Variants in LRFN3 observed in about 807,000 individuals in gnomAD.
The protein encoded by LRFN3 is leucine-rich repeat and fibronectin type-III domain-containing protein 3.
Under a neutral mutation model 23.8 loss-of-function variants are expected in LRFN3, and 8 were observed. The ratio of observed to expected loss-of-function variants is 0.34; its 90% CI spans 0.20 to 0.61. LRFN3 has a LOEUF of 0.61. Ranked by LOEUF, LRFN3 falls within the 20% of genes least tolerant of loss-of-function variation. LRFN3 has a pLI of 0.80. For synonymous variants in LRFN3, 451 were observed against 450.6 expected (o/e 1.00, Z -0.01); for missense variants, 736 against 935.3 (o/e 0.79, Z 2.78).
intron 2 of LRFN3, among the ~76,000 whole-genome samples, chr19:35,941,120 G>A (rs1209767351): frequency 6.6e-6 from 1 of 152,138 alleles, no homozygotes; most frequent in Non-Finnish European, 1.5e-5. Flanking sequence ...AGGCTACAGG[G>A]CTAAAAAAGA....
chr19:35,942,473 C>T (rs1976133354), intron 2 of LRFN3, among the ~76,000 whole-genome samples: 1 of 152,216 alleles, frequency 6.6e-6, no homozygotes, highest in African/African-American at 2.4e-5. Flanking sequence ...TGGACTGCGG[C>T]TGTGGGTGAG....
rs748769950 is a variant in LRFN3, at chr19:35,940,530, G to A, written c.1105G>A (p.Ala369Thr). ...GDGGIFTCIA[A>T]NAAGEATAAV... Reference sequence around the variant, plus strand: ...TGGTGGCATCTTCACCTGCATTGCGGCCAATGCAGCTGGCGAGGCCACAGC... The same window carrying A: ...TGGTGGCATCTTCACCTGCATTGCGACCAATGCAGCTGGCGAGGCCACAGC... Residue 369 changes from alanine (A) to threonine (T), a missense_variant, in exon 2 of 3, where the codon GCC (alanine) becomes ACC (threonine). This residue lies in a region of LRFN3 where 446 missense variants were observed against 647.9 expected (regional missense o/e 0.69). Transcript: ENST00000246529. 1.9e-6 allele frequency: 3 copies of A among 1,612,410 alleles called. No individual in the cohort carries two copies. Among genetic ancestry groups the A allele is most frequent in the African/African-American group, 2.7e-5 (2 of 74,946 alleles).
In LRFN3 at chr19:35,939,480, C is replaced by A. The variant is rs1976091141; in HGVS notation, c.55C>A (p.Pro19Thr). Residue 19 changes from proline to threonine, a missense_variant, in exon 2 of 3, where the codon CCA becomes ACA. Physicochemically the swap from Pro to Thr is conservative, Grantham distance 38 (BLOSUM62 -1). This residue lies in a region of LRFN3 where 446 missense variants were observed against 647.9 expected (regional missense o/e 0.69). Transcript: ENST00000246529. The surrounding 1 kb of genome is among the most constrained non-coding windows in gnomAD (Gnocchi z 6.4). The stretch of plus-strand genomic sequence containing the variant: ...GCTGCCGCTGGCCCCTGCCTCATCC[C>A]CACCCCAGTCAGCCACACCCAGCCC... ...CLLPLAPASS[P>T]PQSATPSPCP... 1.2e-6 allele frequency: 2 copies of A among 1,602,704 alleles called. No homozygotes were observed. The highest frequency in any genetic ancestry group is 2.7e-5 in the African/African-American group (2 of 74,796).
Position 35,939,715 on chromosome 19 carries a change from A to T in LRFN3, c.290A>T (p.His97Leu), listed in dbSNP as rs1371276972. 6.2e-7 allele frequency: 1 copy of T among 1,604,298 alleles called. No homozygotes were observed. Among genetic ancestry groups the T allele is most frequent in the East Asian group, 2.2e-5 (1 of 44,772 alleles). ...AGCCTGTCGCGGAACACCATCCGCCACGTGGCTGCCGGCGCCTTCGCCGAC... is the reference window on the plus strand; with the variant it reads ...AGCCTGTCGCGGAACACCATCCGCCTCGTGGCTGCCGGCGCCTTCGCCGAC... ...HLSLSRNTIR[H>L]VAAGAFADLR... The change falls in exon 2 of 3, where the codon CAC (histidine) becomes CTC (leucine). Residue 97 changes from histidine (H) to leucine (L), a missense_variant. By Grantham distance (99) the His-to-Leu change is moderately conservative. Around this residue, in one of 2 missense-constraint regions of LRFN3, gnomAD observed 446 missense variants for 647.9 expected, o/e 0.69. Coordinates refer to ENST00000246529, the MANE Select transcript of LRFN3 (RefSeq NM_024509.2). This position sits in a 1 kb window ranked among gnomAD's most constrained non-coding sequence, Gnocchi z 6.4.
rs1976106840 is a variant in LRFN3 at position 35,940,574 on chromosome 19, G to A, written c.1149G>A (p.Val383=). The change falls in exon 2 of 3, where the codon GTG becomes GTA. Residue 383 remains valine, a synonymous_variant. Transcript: ENST00000246529. Reference sequence around the variant, plus strand: ...CCACAGCTGCTGTGGAGCTGACTGTGGGTCCCCCACCACCTCCTCAGCTAG... The same window carrying A: ...CCACAGCTGCTGTGGAGCTGACTGTAGGTCCCCCACCACCTCCTCAGCTAG... ...GEATAAVELT[V]GPPPPPQLAN... 1.9e-6 allele frequency: 3 copies of A among 1,612,540 alleles called. No homozygotes were observed. Among genetic ancestry groups the A allele is most frequent in the Non-Finnish European group, 2.5e-6 (3 of 1,179,556 alleles).
chr19:35,940,579 C>T lies in LRFN3; in HGVS notation c.1154C>T (p.Pro385Leu). 1 of 1,612,136 alleles carries T rather than the reference C, an allele frequency of 6.2e-7. No homozygotes were observed. The highest frequency in any genetic ancestry group is 8.5e-7 in the Non-Finnish European group (1 of 1,179,202). Residue 385 changes from proline (P) to leucine (L), a missense_variant, in exon 2 of 3, where the codon CCC becomes CTC. This residue lies in a region of LRFN3 where 446 missense variants were observed against 647.9 expected (regional missense o/e 0.69). Transcript: ENST00000246529. ...ATAAVELTVG[P>L]PPPPQLANST... ...GCTGCTGTGGAGCTGACTGTGGGTC[C>T]CCCACCACCTCCTCAGCTAGCCAAC...
At position 35,939,514 on chromosome 19, in the gene LRFN3, G is replaced by A. The variant is rs755492282; in HGVS notation, c.89G>A (p.Arg30His). Reference protein sequence around the residue: ...PQSATPSPCPRRCRCQTQSLP... With the variant: ...PQSATPSPCPHRCRCQTQSLP... ...TCAGCCACACCCAGCCCATGTCCCC[G>A]CCGCTGCCGCTGCCAGACACAGTCG... Residue 30 changes from arginine (R) to histidine (H), a missense_variant, in exon 2 of 3, where the codon CGC (arginine) becomes CAC (histidine). Physicochemically the swap from Arg to His is conservative, Grantham distance 29. This residue lies in a region of LRFN3 where 446 missense variants were observed against 647.9 expected (regional missense o/e 0.69). Transcript: ENST00000246529. The surrounding 1 kb of genome is among the most constrained non-coding windows in gnomAD (Gnocchi z 6.4). The A allele has an allele frequency of 3.4e-5, 54 of 1,606,800 alleles. No individual in the cohort carries two copies. The highest frequency in any genetic ancestry group is 3.1e-4 in the African/African-American group (23 of 74,870).
rs1976169592 is a variant in LRFN3, at chr19:35,945,495, A to G, written c.*476A>G. 6.4e-6 allele frequency: 1 copy of G among 155,342 alleles called. No homozygotes were observed. Among genetic ancestry groups the G allele is most frequent in the Non-Finnish European group, 1.4e-5 (1 of 70,400 alleles). 9.6% of individuals were successfully genotyped at this position (155,342 alleles called of 1,614,324 possible). On this transcript the variant is annotated 3_prime_UTR_variant, in exon 3 of 3. Transcript: ENST00000246529. ...CAGTGATAGCACAGAGTGACCAGGGATGTGGGGATGAGGGAAGCCTGGGGG... is the reference window on the plus strand; with the variant it reads ...CAGTGATAGCACAGAGTGACCAGGGGTGTGGGGATGAGGGAAGCCTGGGGG...
Position 35,940,411 on chromosome 19 carries a change from G to A in LRFN3, c.986G>A (p.Trp329Ter), listed in dbSNP as rs1433819625. The A allele has an allele frequency of 6.3e-7, 1 of 1,587,566 alleles. No individual in the cohort carries two copies. Among genetic ancestry groups the A allele is most frequent in the Non-Finnish European group, 8.5e-7 (1 of 1,171,560 alleles). Residue 329 changes from tryptophan (W) to a stop codon, truncating the protein, a stop_gained, in exon 2 of 3, where the codon TGG becomes TAG. Coordinates refer to ENST00000246529, the MANE Select transcript of LRFN3 (RefSeq NM_024509.2). LOFTEE classifies it high-confidence loss of function. The stretch of plus-strand genomic sequence containing the variant: ...GGGGACCCAGAGCCCCGTGTGCGTT[G>A]GGTGTCACCCCAGGGCCGGCTGCTA... ...AVGDPEPRVRWVSPQGRLLGN... is the reference protein window; with the variant it reads ...AVGDPEPRVR
chr19:35,943,028 C>CA (rs566002756), intron 2 of LRFN3, among the ~76,000 whole-genome samples: 1,935 of 85,578 alleles, frequency 0.023, 35 homozygotes, highest in East Asian at 0.094. Flanking sequence ...GACTCCGTCT[C>CA]AAAAAAAAAA....
Position 35,945,132 on chromosome 19 carries a change from T to C in LRFN3, c.*113T>C, listed in dbSNP as rs1976165422. On this transcript the variant is annotated 3_prime_UTR_variant, in exon 3 of 3. Coordinates refer to ENST00000246529, the MANE Select transcript of LRFN3 (RefSeq NM_024509.2). ...TCGCTCATGGTTTTTAAAACTCTGA[T>C]GGGGAGGGTGTCGGGGACACCGGGG... 2 of 614,018 alleles carry C rather than the reference T, an allele frequency of 3.3e-6. No individual in the cohort carries two copies. Among genetic ancestry groups the C allele is most frequent in the African/African-American group, 2.0e-5 (1 of 50,934 alleles). The allele number at this position is 614,018 out of a possible 1,614,324, so 38.0% of individuals were successfully genotyped here.
In LRFN3 at chr19:35,939,915, T is replaced by TC; in HGVS notation, c.492dup (p.Tyr165LeufsTer196). Reference sequence around the variant, plus strand: ...CGAGACACTGGAGGACCTCGACCTCTCCTACAACAACCTCGAGCAGCTGCC... The same window carrying TC: ...CGAGACACTGGAGGACCTCGACCTCTCCCTACAACAACCTCGAGCAGCTGCC... On this transcript the variant is annotated frameshift_variant, in exon 2 of 3. Transcript: ENST00000246529. LOFTEE classifies it high-confidence loss of function. The surrounding 1 kb of genome is among the most constrained non-coding windows in gnomAD (Gnocchi z 6.4). 3 of 1,604,126 alleles carry TC rather than the reference T, an allele frequency of 1.9e-6. No homozygotes were observed. Among genetic ancestry groups the TC allele is most frequent in the Non-Finnish European group, 2.5e-6 (3 of 1,179,796 alleles).
Position 35,940,813 on chromosome 19 carries a change from G to A in LRFN3, c.1388G>A (p.Ser463Asn), listed in dbSNP as rs1003365694. ...CGCATGTACCAGATCCAGTACAACA[G>A]CTCGGCTGATGACATCCTCGTCTAC... is the stretch of plus-strand genomic sequence containing the variant. ...GIRMYQIQYNSSADDILVYRM... is the reference protein window; with the variant it reads ...GIRMYQIQYNNSADDILVYRM... Residue 463 changes from serine to asparagine, a missense_variant, in exon 2 of 3, where the codon AGC becomes AAC. Around this residue, in one of 2 missense-constraint regions of LRFN3, gnomAD observed 290 missense variants for 287.4 expected, o/e 1.01. Transcript: ENST00000246529. The A allele has an allele frequency of 1.3e-6, 2 of 1,585,050 alleles. No individual in the cohort carries two copies. The highest frequency in any genetic ancestry group is 4.5e-5 in the East Asian group (2 of 44,212).
Position 35,940,203 on chromosome 19 carries a change from C to G in LRFN3, c.778C>G (p.Leu260Val). 6.2e-7 allele frequency: 1 copy of G among 1,609,236 alleles called. No individual in the cohort carries two copies. The highest frequency in any genetic ancestry group is 8.5e-7 in the Non-Finnish European group (1 of 1,179,548). ...GCACTGCAACTGCGAGCTGGTGTGG[C>G]TGCGTCGCCTGGCGCGGGAGGACGA... ...PLHCNCELVW[L>V]RRLAREDDLE... Residue 260 changes from leucine to valine, a missense_variant, in exon 2 of 3, where the codon CTG (leucine) becomes GTG (valine). Around this residue, in one of 2 missense-constraint regions of LRFN3, gnomAD observed 446 missense variants for 647.9 expected, o/e 0.69. Transcript: ENST00000246529.
Position 35,940,806 on chromosome 19 carries a change from T to C in LRFN3, c.1381T>C (p.Tyr461His). Residue 461 changes from tyrosine (Y) to histidine (H), a missense_variant, in exon 2 of 3, where the codon TAC (tyrosine) becomes CAC (histidine). Tyr to His is a moderately conservative substitution (Grantham distance 83). Transcript: ENST00000246529. The stretch of plus-strand genomic sequence containing the variant: ...GGGCATCCGCATGTACCAGATCCAG[T>C]ACAACAGCTCGGCTGATGACATCCT... ...IPGIRMYQIQ[Y>H]NSSADDILVY... 1 of 1,592,514 alleles carries C rather than the reference T, an allele frequency of 6.3e-7. No homozygotes were observed. The highest frequency in any genetic ancestry group is 8.6e-7 in the Non-Finnish European group (1 of 1,164,796).
At position 35,946,086 on chromosome 19, in the gene LRFN3, C is replaced by T. The variant is rs1202183924; in HGVS notation, c.*1067C>T. Among the ~76,000 whole-genome samples, 1 of 151,908 alleles carries T rather than the reference C, an allele frequency of 6.6e-6. No homozygotes were observed. The highest frequency in any genetic ancestry group is 6.6e-5 in the Admixed American group (1 of 15,264). Reference sequence around the variant, plus strand: ...GGGGCAGGAAGATGGTGGGGACTGCCCTCATATAGGACCAGGGAGGAGGAG... The same window carrying T: ...GGGGCAGGAAGATGGTGGGGACTGCTCTCATATAGGACCAGGGAGGAGGAG... On this transcript the variant is annotated 3_prime_UTR_variant, in exon 3 of 3. Coordinates refer to ENST00000246529, the MANE Select transcript of LRFN3 (RefSeq NM_024509.2).
Position 35,940,579 on chromosome 19 carries a change from C to G in LRFN3, c.1154C>G (p.Pro385Arg), listed in dbSNP as rs760053764. The G allele has an allele frequency of 6.2e-7, 1 of 1,612,136 alleles. No individual in the cohort carries two copies. The highest frequency in any genetic ancestry group is 8.5e-7 in the Non-Finnish European group (1 of 1,179,202). ...GCTGCTGTGGAGCTGACTGTGGGTC[C>G]CCCACCACCTCCTCAGCTAGCCAAC... is the stretch of plus-strand genomic sequence containing the variant. ...ATAAVELTVG[P>R]PPPPQLANST... The change falls in exon 2 of 3, where the codon CCC (proline) becomes CGC (arginine). Residue 385 changes from proline to arginine, a missense_variant. Pro to Arg is a moderately radical substitution (Grantham distance 103, BLOSUM62 -2). Coordinates refer to ENST00000246529, the MANE Select transcript of LRFN3 (RefSeq NM_024509.2).
At chr19:35,943,947 G>A (rs1976148994) in intron 2 of LRFN3, among the ~76,000 whole-genome samples, 2 of 152,330 alleles carry the variant, frequency 1.3e-5, no homozygotes, top group East Asian at 1.9e-4. Flanking sequence ...CACTTAAGGA[G>A]GCCAAGGCAG....
In LRFN3 at chr19:35,940,446, A is replaced by G. The variant is rs1976105052; in HGVS notation, c.1021A>G (p.Ser341Gly). The G allele has an allele frequency of 1.2e-6, 2 of 1,604,262 alleles. No homozygotes were observed. The highest frequency in any genetic ancestry group is 1.7e-6 in the Non-Finnish European group (2 of 1,178,382). The change falls in exon 2 of 3, where the codon AGC (serine) becomes GGC (glycine). Residue 341 changes from serine (S) to glycine (G), a missense_variant. This residue lies in a region of LRFN3 where 446 missense variants were observed against 647.9 expected (regional missense o/e 0.69). Coordinates refer to ENST00000246529, the MANE Select transcript of LRFN3 (RefSeq NM_024509.2). ...CCAGGGCCGGCTGCTAGGCAACTCA[A>G]GCCGTGCCCGCGCCTTCCCCAATGG... Reference protein sequence around the residue: ...SPQGRLLGNSSRARAFPNGTL... With the variant: ...SPQGRLLGNSGRARAFPNGTL...
Sources: gnomAD v4.1 joint callset for allele counts (sites outside exome capture counted in the v4.1 genomes callset) on GRCh38, gnomAD v4.1.1 for gene constraint, gnomAD v4.1.1 regional missense constraint, Gnocchi (gnomAD v3.1) non-coding constraint, MANE v1.5 for transcripts, NCBI Gene and HGNC (gene_info 2026-07-23, HGNC 2026-07-21) for gene names.